The following SLC9A9 variants were observed in gnomAD, a reference collection of about 807,000 sequenced individuals.
SLC9A9 encodes the protein sodium/hydrogen exchanger 9.
Under a neutral mutation model 77.8 loss-of-function variants are expected in SLC9A9, and 62 were observed. The observed-to-expected ratio is 0.80, with a 90% CI of 0.65 to 0.98. The LOEUF is 0.98. Among genes scored for constraint, SLC9A9 ranks in the 50% least tolerant of loss-of-function variants. The probability of loss-of-function intolerance (pLI) is 0.00; values close to 1 mark genes in which losing one functional copy is unlikely to be tolerated. For synonymous variants in SLC9A9, 320 were observed against 283.5 expected (o/e 1.13, Z -1.29); for missense variants, 775 against 774.9 (o/e 1.00, Z 0.00).
At chr3:143,836,254 C>T (rs765364054) in intron 1 of SLC9A9, among the ~76,000 whole-genome samples, 2 of 152,210 alleles carry the variant, frequency 1.3e-5, no homozygotes, top group Non-Finnish European at 2.9e-5. Context: ...TTTATAAAGA[C>T]ATATTATTCA....
At chr3:143,551,055 A>T (rs1018392139) in intron 9 of SLC9A9, among the ~76,000 whole-genome samples, 3 of 152,124 alleles carry the variant, frequency 2.0e-5, no homozygotes, top group African/African-American at 7.2e-5. Context: ...ACTCAATATG[A>T]CCCGTGTCCT....
chr3:143,577,257 T>C (rs1035714567), intron 7 of SLC9A9, among the ~76,000 whole-genome samples: 1 of 152,110 alleles, frequency 6.6e-6, no homozygotes, highest in Non-Finnish European at 1.5e-5. Context: ...AGTCCCCTCA[T>C]CCTCCATTTC....
chr3:143,553,020 G>A (rs1422286845), intron 8 of SLC9A9, among the ~76,000 whole-genome samples: 3 of 152,146 alleles, frequency 2.0e-5, no homozygotes, highest in African/African-American at 4.8e-5. Flanking sequence ...TTTCTCCTGT[G>A]CCTCTTTGGA....
chr3:143,425,290 G>T (rs10935493), intron 12 of SLC9A9, among the ~76,000 whole-genome samples: 28 of 135,018 alleles, frequency 2.1e-4, no homozygotes, highest in South Asian at 4.7e-4. Context: ...TTTTTTTTAA[G>T]TATAATCATC....
chr3:143,822,037 G>A (rs983619134), intron 2 of SLC9A9, among the ~76,000 whole-genome samples: 3 of 152,168 alleles, frequency 2.0e-5, no homozygotes, highest in Non-Finnish European at 4.4e-5. Context: ...CTCACCCAAC[G>A]TCATGCACTT....
intron 4 of SLC9A9, among the ~76,000 whole-genome samples, chr3:143,695,799 C>G (rs1294837151): frequency 1.3e-5 from 2 of 151,838 alleles, no homozygotes; most frequent in African/African-American, 2.4e-5. Context: ...CTCCCATTAA[C>G]AGTGTAAAAG....
chr3:143,600,701 G>A (rs2037832847), intron 6 of SLC9A9, among the ~76,000 whole-genome samples: 1 of 152,160 alleles, frequency 6.6e-6, no homozygotes, highest in Non-Finnish European at 1.5e-5. Context: ...CATGGCTAAG[G>A]AAAGAATTAG....
intron 11 of SLC9A9, among the ~76,000 whole-genome samples, chr3:143,477,330 ATTTTT>A (rs59195338): frequency 1.1e-4 from 11 of 100,012 alleles, no homozygotes; most frequent in African/African-American, 3.4e-4. Context: ...GGCTTCTTCA[ATTTTT>A]TTTTTTTTTT....
intron 9 of SLC9A9, among the ~76,000 whole-genome samples, chr3:143,537,277 G>C (rs2036605668): frequency 6.6e-6 from 1 of 152,208 alleles, no homozygotes; most frequent in Non-Finnish European, 1.5e-5. Context: ...GGGTATCTGG[G>C]ACTTGTAAAA....
chr3:143,761,914 C>T (rs1348074567), intron 4 of SLC9A9, among the ~76,000 whole-genome samples: 2 of 152,138 alleles, frequency 1.3e-5, no homozygotes, highest in Admixed American at 6.6e-5. Flanking sequence ...CAGCACTATT[C>T]ACAATAGCAA....
intron 12 of SLC9A9, among the ~76,000 whole-genome samples, chr3:143,448,003 G>A (rs2034875511): frequency 6.6e-6 from 1 of 152,158 alleles, no homozygotes; most frequent in Non-Finnish European, 1.5e-5. Flanking sequence ...AATGAATGAA[G>A]GAAAGAATGG....
At chr3:143,732,112 G>A (rs1174851354) in intron 4 of SLC9A9, among the ~76,000 whole-genome samples, 1 of 152,204 alleles carries the variant, frequency 6.6e-6, no homozygotes, top group Non-Finnish European at 1.5e-5. Flanking sequence ...GCTGTCACTT[G>A]ATGTTTATTG....
chr3:143,793,627 G>A (rs571204671), intron 4 of SLC9A9, among the ~76,000 whole-genome samples: 1 of 152,328 alleles, frequency 6.6e-6, no homozygotes, highest in South Asian at 2.1e-4. Flanking sequence ...ATTGCTAAAG[G>A]AAGAGAGGGT....
At chr3:143,735,593 A>G (rs1215765240) in intron 4 of SLC9A9, among the ~76,000 whole-genome samples, 4 of 152,246 alleles carry the variant, frequency 2.6e-5, no homozygotes, top group Non-Finnish European at 5.9e-5. Flanking sequence ...TGAAGCAATG[A>G]GCCAGATAAA....
intron 14 of SLC9A9, among the ~76,000 whole-genome samples, chr3:143,338,024 T>G (rs1440098794): frequency 1.3e-5 from 2 of 152,184 alleles, no homozygotes; most frequent in African/African-American, 4.8e-5. Flanking sequence ...GTATAAGAGA[T>G]GAACATGCAT....
chr3:143,719,595 G>A (rs1393143585), intron 4 of SLC9A9, among the ~76,000 whole-genome samples: 2 of 152,164 alleles, frequency 1.3e-5, no homozygotes, highest in African/African-American at 4.8e-5. Context: ...ATGTGGCCCA[G>A]GGCAGGTATC....
chr3:143,450,173 AT>A (rs1202609182), intron 12 of SLC9A9, among the ~76,000 whole-genome samples: 5 of 133,012 alleles, frequency 3.8e-5, no homozygotes, highest in East Asian at 2.2e-4. Context: ...ATACATATTT[AT>A]TATATTATGT....
At chr3:143,326,511 C>CA (rs2031606921) in intron 14 of SLC9A9, among the ~76,000 whole-genome samples, 1 of 152,104 alleles carries the variant, frequency 6.6e-6, no homozygotes, top group Non-Finnish European at 1.5e-5. Flanking sequence ...TCAATGCACT[C>CA]AGCTCCCCTC....
At chr3:143,806,092 A>C (rs1159484656) in intron 2 of SLC9A9, among the ~76,000 whole-genome samples, 21 of 76,256 alleles carry the variant, frequency 2.8e-4, no homozygotes, top group East Asian at 1.1e-3. Context: ...CACATCCCCT[A>C]CCCCCCGTCC....
Sources: gnomAD v4.1 joint callset for allele counts (sites outside exome capture counted in the v4.1 genomes callset) on GRCh38, gnomAD v4.1.1 for gene constraint, MANE v1.5 for transcripts, NCBI Gene and HGNC (gene_info 2026-07-23, HGNC 2026-07-21) for gene names.